The following CARMIL1 variants were observed in gnomAD, a reference collection of about 807,000 sequenced individuals.
CARMIL1 encodes the protein F-actin-uncapping protein LRRC16A.
CARMIL1 carries 90 observed loss-of-function variants against 177.1 expected under a neutral mutation model. The ratio of observed to expected loss-of-function variants is 0.51; its 90% CI spans 0.43 to 0.61. The LOEUF (loss-of-function observed/expected upper bound fraction) is 0.61, where lower values mean the gene tolerates loss of function less well. CARMIL1 is among the 20% of genes least tolerant of loss of function. The probability of loss-of-function intolerance (pLI) is 0.00; values close to 1 mark genes in which losing one functional copy is unlikely to be tolerated. For missense variants in CARMIL1, 1,380 were observed against 1,667.0 expected (o/e 0.83, Z 3.00); for synonymous variants, 577 against 606.2 (o/e 0.95, Z 0.71).
intron 29 of CARMIL1, among the ~76,000 whole-genome samples, chr6:25,569,964 GTAAA>G (rs760706776): frequency 6.6e-6 from 1 of 152,086 alleles, no homozygotes; most frequent in Non-Finnish European, 1.5e-5. Context: ...CTGCAATAAA[GTAAA>G]TAATTTTCCC....
chr6:25,366,993 G>C (rs935755120), intron 2 of CARMIL1, among the ~76,000 whole-genome samples: 2 of 152,200 alleles, frequency 1.3e-5, no homozygotes, highest in African/African-American at 4.8e-5. Context: ...CATGAGTTCA[G>C]TGTTTGCATA....
At chr6:25,404,940 G>T (rs1481628768) in intron 2 of CARMIL1, among the ~76,000 whole-genome samples, 1 of 152,134 alleles carries the variant, frequency 6.6e-6, no homozygotes, top group Non-Finnish European at 1.5e-5. Flanking sequence ...GAGGCACGGC[G>T]GAGGAGGCAC....
At chr6:25,442,713 C>T (rs1166100047) in intron 5 of CARMIL1, among the ~76,000 whole-genome samples, 1 of 152,154 alleles carries the variant, frequency 6.6e-6, no homozygotes, top group East Asian at 1.9e-4. Flanking sequence ...ACTACTTTAG[C>T]TCCTGAAATC....
intron 2 of CARMIL1, among the ~76,000 whole-genome samples, chr6:25,349,977 T>G (rs1047270874): frequency 1.3e-5 from 2 of 152,128 alleles, no homozygotes; most frequent in African/African-American, 4.8e-5. Flanking sequence ...TCCGCCCGCC[T>G]TAGCCTCCTA....
At chr6:25,296,877 A>T (rs1460549599) in intron 2 of CARMIL1, among the ~76,000 whole-genome samples, 1 of 143,510 alleles carries the variant, frequency 7.0e-6, no homozygotes, top group Non-Finnish European at 1.5e-5. Context: ...TCCTTTTCTT[A>T]TAAGAATATC....
Position 25,550,925 on chromosome 6 carries a change from A to G in CARMIL1, c.2344A>G (p.Met782Val). Residue 782 changes from methionine (M) to valine (V), a missense_variant, in exon 27 of 37, where the codon ATG (methionine) becomes GTG (valine). By Grantham distance (21) the Met-to-Val change is conservative. Coordinates refer to ENST00000329474, the MANE Select transcript of CARMIL1 (RefSeq NM_017640.6). ...TGCATTGCAGGCGTTGCTTGAGTCC[A>G]TGGTTGATGCTGCTGAGAATCTTTG... ...DEQLKALLES[M>V]VDAAENLCPN... 4 of 1,613,262 alleles carry G rather than the reference A, an allele frequency of 2.5e-6. No individual in the cohort carries two copies. Among genetic ancestry groups the G allele is most frequent in the South Asian group, 1.1e-5 (1 of 91,018 alleles).
At position 25,346,431 on chromosome 6, in the gene CARMIL1, T is replaced by C. The variant is rs111568373; in HGVS notation, c.138+61522T>C. Reference sequence around the variant, plus strand: ...CACTCCCTCACTTCCTTCAGGTCTTTCTTCAAATGTCACTTTTTCAGTGAG... The same window carrying C: ...CACTCCCTCACTTCCTTCAGGTCTTCCTTCAAATGTCACTTTTTCAGTGAG... On this transcript the variant is annotated intron_variant, in intron 2 of 36. Transcript: ENST00000329474. Among the ~76,000 whole-genome samples, 390 of 152,346 alleles carry C rather than the reference T, an allele frequency of 2.6e-3. 2 individuals are homozygous for C. Among genetic ancestry groups the C allele is most frequent in the African/African-American group, 8.7e-3 (362 of 41,580 alleles).
rs1007533842 is a variant in CARMIL1 at position 25,531,856 on chromosome 6, C to T, written c.2067+2963C>T. On this transcript the variant is annotated intron_variant, in intron 24 of 36. Transcript: ENST00000329474. ...CGCAATCTCGGCTTACTGCAACCTC[C>T]GCCTCCCTGGTTCAAGCAATTCTTC... Among the ~76,000 whole-genome samples, 4 of 150,442 alleles carry T rather than the reference C, an allele frequency of 2.7e-5. No individual in the cohort carries two copies. The East Asian group carries it at 6.0e-4, about 22-fold the overall frequency.
chr6:25,579,259 G>GGAA (rs1554228250), intron 29 of CARMIL1, among the ~76,000 whole-genome samples: 16 of 143,936 alleles, frequency 1.1e-4, no homozygotes, highest in South Asian at 2.2e-4. Flanking sequence ...CAAGAGTCAG[G>GGAA]AAAAAAAAAA....
chr6:25,367,272 A>G (rs1789925852), intron 2 of CARMIL1, among the ~76,000 whole-genome samples: 1 of 152,168 alleles, frequency 6.6e-6, no homozygotes, highest in African/African-American at 2.4e-5. Context: ...AGTGCTAAGA[A>G]TTCTGAGGGT....
chr6:25,461,129 C>T (rs1800082668), intron 8 of CARMIL1, among the ~76,000 whole-genome samples: 1 of 152,136 alleles, frequency 6.6e-6, no homozygotes, highest in Non-Finnish European at 1.5e-5. Flanking sequence ...TTGTTCTAGC[C>T]TCTGAACCCA....
At chr6:25,604,952 G>A (rs1346660707) in intron 34 of CARMIL1, 59 bp downstream of exon 34, 18 of 1,376,754 alleles carry the variant, frequency 1.3e-5, no homozygotes, top group Non-Finnish European at 1.7e-5. Context: ...TGATTGCAGA[G>A]TCACATGATT....
intron 2 of CARMIL1, among the ~76,000 whole-genome samples, chr6:25,331,386 T>C (rs1236132919): frequency 6.6e-6 from 1 of 152,186 alleles, no homozygotes; most frequent in Non-Finnish European, 1.5e-5. Flanking sequence ...GCTAAAGAGA[T>C]TTTGTGGGTA....
intron 31 of CARMIL1, among the ~76,000 whole-genome samples, chr6:25,590,460 A>ATC (rs2151282646): frequency 6.6e-6 from 1 of 152,220 alleles, no homozygotes; most frequent in African/African-American, 2.4e-5. Flanking sequence ...TAAACCATCC[A>ATC]TCTAGTTTGG....
chr6:25,469,365 A>G (rs901582616), intron 9 of CARMIL1, among the ~76,000 whole-genome samples: 2 of 152,228 alleles, frequency 1.3e-5, no homozygotes, highest in African/African-American at 4.8e-5. Flanking sequence ...TTGTGATCTG[A>G]TAAGTCAAAG....
chr6:25,571,435 ACAATG>A (rs1812054812), intron 29 of CARMIL1, among the ~76,000 whole-genome samples: 1 of 152,216 alleles, frequency 6.6e-6, no homozygotes, highest in South Asian at 2.1e-4. Context: ...AAATATAAGA[ACAATG>A]AAAGAAGTAG....
At chr6:25,610,952 A>G (rs1371165389) in intron 36 of CARMIL1, among the ~76,000 whole-genome samples, 1 of 152,102 alleles carries the variant, frequency 6.6e-6, no homozygotes, top group African/African-American at 2.4e-5. Flanking sequence ...CTGGAGCCAC[A>G]CAAGTCGTCT....
intron 2 of CARMIL1, among the ~76,000 whole-genome samples, chr6:25,327,916 T>C (rs1785275555): frequency 6.6e-6 from 1 of 152,260 alleles, no homozygotes; most frequent in Admixed American, 6.5e-5. Context: ...TAGAATGTTC[T>C]ACTTTTAGCG....
intron 23 of CARMIL1, among the ~76,000 whole-genome samples, chr6:25,526,186 T>G (rs1807091435): frequency 1.4e-5 from 2 of 147,782 alleles, no homozygotes; most frequent in African/African-American, 5.1e-5. Context: ...AATAAATAAA[T>G]AAATAAATAA....
Sources: allele counts gnomAD v4.1 joint callset (sites outside exome capture counted in the v4.1 genomes callset), GRCh38; gene constraint gnomAD v4.1.1; transcripts MANE v1.5; gene names NCBI Gene and HGNC (gene_info 2026-07-23, HGNC 2026-07-21).